Variants in CELF2 observed in about 807,000 individuals in gnomAD.
CELF2 encodes the protein CUGBP Elav-like family member 2.
A neutral mutation model predicts 62.6 loss-of-function variants in CELF2; 8 were observed. The observed-to-expected ratio is 0.13, with a 90% CI of 0.07 to 0.23. The LOEUF (loss-of-function observed/expected upper bound fraction) is 0.23. CELF2 is among the 10% of genes least tolerant of loss of function. The probability of loss-of-function intolerance (pLI) is 1.00; values close to 1 mark genes in which losing one functional copy is unlikely to be tolerated. For missense variants in CELF2, 333 were observed against 671.0 expected (o/e 0.50, Z 5.56); for synonymous variants, 258 against 250.0 (o/e 1.03, Z -0.30).
intron 1 of CELF2, among the ~76,000 whole-genome samples, chr10:11,045,430 A>G (rs1349864039): frequency 1.3e-5 from 2 of 152,144 alleles, no homozygotes; most frequent in African/African-American, 4.8e-5. Flanking sequence ...ACATGTCACT[A>G]TGAGACTTTA....
At chr10:10,608,129 AAAAC>A in the CELF2 span, among the ~76,000 whole-genome samples, 4,524 of 125,154 alleles carry the variant, frequency 0.036, 82 homozygotes, top group Middle Eastern at 0.078. Flanking sequence ...AACTCTGTTA[AAAAC>A]AAACAAACAA....
At chr10:11,069,260 C>G (rs2069044491) in intron 1 of CELF2, among the ~76,000 whole-genome samples, 1 of 152,108 alleles carries the variant, frequency 6.6e-6, no homozygotes, top group African/African-American at 2.4e-5. Context: ...ATCATTTTCT[C>G]CCATGATAGC....
intron 3 of CELF2, among the ~76,000 whole-genome samples, chr10:11,241,832 T>C (rs1329728075): frequency 6.6e-5 from 10 of 152,200 alleles, no homozygotes; most frequent in Non-Finnish European, 7.3e-5. Context: ...GTCTTTCATT[T>C]GAGGGGATGA....
At chr10:11,295,440 A>G (rs2093053568) in intron 9 of CELF2, among the ~76,000 whole-genome samples, 1 of 152,378 alleles carries the variant, frequency 6.6e-6, no homozygotes, top group Non-Finnish European at 1.5e-5. Flanking sequence ...TTAAAACGTC[A>G]TAACCAATAT....
At chr10:11,149,061 T>C (rs988133580) in intron 1 of CELF2, among the ~76,000 whole-genome samples, 2 of 152,122 alleles carry the variant, frequency 1.3e-5, no homozygotes, top group Admixed American at 1.3e-4. Flanking sequence ...ACACTGGCAT[T>C]ATTGACAGGT....
At chr10:11,103,347 CT>C (rs1564750478) in intron 1 of CELF2, among the ~76,000 whole-genome samples, 2 of 133,786 alleles carry the variant, frequency 1.5e-5, no homozygotes, top group Admixed American at 7.5e-5. Context: ...TTTTTTTTTG[CT>C]TTTTTTATTC....
At chr10:11,308,737 G>GGT (rs1215273572) in intron 9 of CELF2, among the ~76,000 whole-genome samples, 4 of 152,132 alleles carry the variant, frequency 2.6e-5, no homozygotes, top group Admixed American at 2.6e-4. Flanking sequence ...GTTTTTGTAT[G>GGT]GTGAACTGTC....
chr10:10,903,161 A>G (rs2063070045), intron 1 of CELF2, among the ~76,000 whole-genome samples: 1 of 152,220 alleles, frequency 6.6e-6, no homozygotes, highest in Non-Finnish European at 1.5e-5. Context: ...TATATCAGCT[A>G]AGTGACCTGT....
At chr10:11,196,543 G>A (rs945554510) in intron 2 of CELF2, among the ~76,000 whole-genome samples, 3 of 152,022 alleles carry the variant, frequency 2.0e-5, no homozygotes, top group Non-Finnish European at 2.9e-5. Flanking sequence ...TGTTCATGCC[G>A]GTGGTCCCAG....
At position 11,255,723 on chromosome 10, in the gene CELF2, G is replaced by T. The variant is rs2078529583; in HGVS notation, c.404-2015G>T. 6.6e-6 allele frequency among the ~76,000 whole-genome samples: 1 copy of T among 152,144 alleles called. No homozygotes were observed. Among genetic ancestry groups the T allele is most frequent in the African/African-American group, 2.4e-5 (1 of 41,414 alleles). On this transcript the variant is annotated intron_variant, in intron 4 of 12. Coordinates refer to ENST00000633077, the MANE Select transcript of CELF2 (RefSeq NM_001326342.2). The surrounding 1 kb of genome is among the most constrained non-coding windows in gnomAD (Gnocchi z 5.5). Reference sequence around the variant, plus strand: ...GCCTCAAGAGCCCCAGTCACCCCGAGTATGTCACAGGCCACCTTCTCTCCA... The same window carrying T: ...GCCTCAAGAGCCCCAGTCACCCCGATTATGTCACAGGCCACCTTCTCTCCA...
intron 2 of CELF2, among the ~76,000 whole-genome samples, chr10:10,939,725 C>T (rs540007055): frequency 3.3e-5 from 5 of 152,062 alleles, no homozygotes; most frequent in South Asian, 4.2e-4. Flanking sequence ...GAGGCCGAGG[C>T]GGACGGATCA....
the CELF2 span, among the ~76,000 whole-genome samples, chr10:10,547,915 C>T: frequency 6.6e-6 from 1 of 152,074 alleles, no homozygotes; most frequent in Admixed American, 6.6e-5. Context: ...GGAATATAAG[C>T]CCAATGCACA....
At chr10:10,558,663 C>A in the CELF2 span, among the ~76,000 whole-genome samples, 1 of 152,020 alleles carries the variant, frequency 6.6e-6, no homozygotes, top group African/African-American at 2.4e-5. Flanking sequence ...TCCATCTGGT[C>A]CTGGACTCTT....
the CELF2 span, among the ~76,000 whole-genome samples, chr10:10,580,990 A>G: frequency 3.3e-5 from 5 of 152,236 alleles, no homozygotes; most frequent in Admixed American, 6.5e-5. Flanking sequence ...ATAGAAAAAT[A>G]GATCTATTTG....
the CELF2 span, among the ~76,000 whole-genome samples, chr10:10,726,030 A>G: frequency 1.3e-5 from 2 of 152,152 alleles, no homozygotes; most frequent in Non-Finnish European, 2.9e-5. Flanking sequence ...TCCTTTTTTA[A>G]AACAATCTAG....
At chr10:10,941,226 G>A (rs143622578) in intron 2 of CELF2, among the ~76,000 whole-genome samples, 1 of 152,180 alleles carries the variant, frequency 6.6e-6, no homozygotes, top group African/African-American at 2.4e-5. Context: ...GTGAAGAAAT[G>A]TGCTACGGAG....
intron 1 of CELF2, among the ~76,000 whole-genome samples, chr10:10,835,205 T>A (rs2058182030): frequency 6.6e-6 from 1 of 151,984 alleles, no homozygotes; most frequent in Non-Finnish European, 1.5e-5. Context: ...CAGGATGGAG[T>A]GTGCTAGTGC....
chr10:10,954,155 C>T (rs988917518), intron 2 of CELF2, among the ~76,000 whole-genome samples: 1 of 151,236 alleles, frequency 6.6e-6, no homozygotes, highest in African/African-American at 2.4e-5. Flanking sequence ...CCCTCTCCCA[C>T]TGTGGATAGG....
chr10:11,271,696 C>T (rs1165263766), intron 7 of CELF2, among the ~76,000 whole-genome samples: 1 of 144,094 alleles, frequency 6.9e-6, no homozygotes, highest in Admixed American at 7.0e-5. Context: ...GCCTTTTATT[C>T]CAGCCTCAGA....
Sources: gnomAD v4.1 joint callset for allele counts (sites outside exome capture counted in the v4.1 genomes callset) on GRCh38, gnomAD v4.1.1 for gene constraint, Gnocchi (gnomAD v3.1) non-coding constraint, MANE v1.5 for transcripts, NCBI Gene and HGNC (gene_info 2026-07-23, HGNC 2026-07-21) for gene names.